CRPPA: variants seen among roughly 807,000 people sequenced by gnomAD.
CRPPA encodes CDP-L-ribitol pyrophosphorylase A.
In CRPPA, 43 loss-of-function variants were observed where a neutral mutation model predicts 52.0. That is an observed-to-expected ratio of 0.83 (90% CI 0.65 to 1.07). CRPPA has a LOEUF of 1.07. CRPPA is among the 50% of genes least tolerant of loss of function. The pLI, the probability that CRPPA is intolerant of heterozygous loss-of-function variation, is 0.00. For missense variants in CRPPA, 629 were observed against 551.7 expected, an observed-to-expected ratio of 1.14 and a Z score of -1.40; for synonymous variants, 250 against 203.5, an observed-to-expected ratio of 1.23 and a Z score of -1.94.
intron 8 of CRPPA, among the ~76,000 whole-genome samples, chr7:16,242,526 G>A (rs917139878): frequency 2.6e-5 from 4 of 152,060 alleles, no homozygotes; most frequent in Admixed American, 6.5e-5. Context: ...ACACACCCCC[G>A]TAAATGCAAC....
chr7:16,094,865 A>T (rs1781906390), intron 9 of CRPPA, among the ~76,000 whole-genome samples: 1 of 152,160 alleles, frequency 6.6e-6, no homozygotes, highest in African/African-American at 2.4e-5. Context: ...AGGTCATCAA[A>T]AAACAAGGAA....
chr7:16,271,272 C>A (rs1784083992), intron 6 of CRPPA, among the ~76,000 whole-genome samples: 1 of 152,066 alleles, frequency 6.6e-6, no homozygotes, highest in African/African-American at 2.4e-5. Flanking sequence ...CGCTTATATG[C>A]ATTTAGAGGT....
intron 2 of CRPPA, among the ~76,000 whole-genome samples, chr7:16,378,666 G>A (rs1399838880): frequency 6.6e-6 from 1 of 150,992 alleles, no homozygotes; most frequent in African/African-American, 2.4e-5. Context: ...TCTAGTTCTA[G>A]ATCCCTGAGG....
intron 9 of CRPPA, among the ~76,000 whole-genome samples, chr7:16,205,013 A>G (rs2128394542): frequency 6.6e-6 from 1 of 152,320 alleles, no homozygotes; most frequent in Non-Finnish European, 1.5e-5. Flanking sequence ...TTAAGCCCCA[A>G]ATACAGACCA....
At chr7:16,253,937 A>G (rs1315936196) in intron 8 of CRPPA, among the ~76,000 whole-genome samples, 1 of 152,226 alleles carries the variant, frequency 6.6e-6, no homozygotes, top group Non-Finnish European at 1.5e-5. Flanking sequence ...GGATAGGTAC[A>G]GACACTTCTC....
At chr7:16,291,734 C>T (rs766019763) in intron 5 of CRPPA, among the ~76,000 whole-genome samples, 6 of 151,488 alleles carry the variant, frequency 4.0e-5, no homozygotes, top group Admixed American at 2.0e-4. Context: ...AAAGAGAGGA[C>T]GTGAAATGTC....
chr7:16,206,691 G>A (rs1464014671), intron 9 of CRPPA, among the ~76,000 whole-genome samples: 1 of 151,960 alleles, frequency 6.6e-6, no homozygotes, highest in Non-Finnish European at 1.5e-5. Context: ...TCCTTACAAA[G>A]TGTTTTAGAA....
At chr7:16,334,739 A>C (rs1053661946) in intron 3 of CRPPA, among the ~76,000 whole-genome samples, 8 of 152,172 alleles carry the variant, frequency 5.3e-5, no homozygotes, top group African/African-American at 1.7e-4. Context: ...CTCAGAGCAC[A>C]GGAAGCAACC....
At chr7:16,373,417 C>G (rs866363333) in intron 3 of CRPPA, among the ~76,000 whole-genome samples, 1 of 152,164 alleles carries the variant, frequency 6.6e-6, no homozygotes, top group African/African-American at 2.4e-5. Context: ...TATGATCATT[C>G]GTTTGAACAA....
chr7:16,224,721 C>T (rs1272705481), intron 8 of CRPPA, among the ~76,000 whole-genome samples: 1 of 152,054 alleles, frequency 6.6e-6, no homozygotes, highest in Non-Finnish European at 1.5e-5. Flanking sequence ...AATCTAAAAA[C>T]TGATGACACC....
chr7:16,232,657 T>C (rs944111613), intron 8 of CRPPA, among the ~76,000 whole-genome samples: 3 of 152,148 alleles, frequency 2.0e-5, no homozygotes, highest in African/African-American at 7.2e-5. Context: ...TTGTGGGAAA[T>C]AATTATCTCT....
rs575642413 is a variant in CRPPA at position 16,090,750 on chromosome 7, G to A, written c.*945C>T. ...ATAAAAAATAAAATAAATAGAGTAA[G>A]TGTATGTATAGATTAAAAGTCACCT... On this transcript the variant is annotated 3_prime_UTR_variant, in exon 10 of 10. Transcript: ENST00000407010. The A allele has an allele frequency of 6.6e-6, 1 of 151,790 alleles. No homozygotes were observed. Among genetic ancestry groups the A allele is most frequent in the South Asian group, 2.1e-4 (1 of 4,820 alleles). The allele number at this position is 151,790 out of a possible 1,614,324, so 9.4% of individuals were successfully genotyped here.
At chr7:16,108,543 A>G (rs1232798923) in intron 9 of CRPPA, among the ~76,000 whole-genome samples, 1 of 151,926 alleles carries the variant, frequency 6.6e-6, no homozygotes, top group Admixed American at 6.6e-5. Flanking sequence ...AACAATGAAA[A>G]GATCATCCAG....
chr7:16,123,613 A>T (rs376494537), intron 9 of CRPPA, among the ~76,000 whole-genome samples: 1 of 152,110 alleles, frequency 6.6e-6, no homozygotes, highest in Non-Finnish European at 1.5e-5. Context: ...GTGATGATAA[A>T]CTCTAAGATA....
At position 16,399,574 on chromosome 7, in the gene CRPPA, CATGT is replaced by C. The variant is rs1474555995; in HGVS notation, c.534+6483_534+6486del. ...CATGAATGACATGACACGTTTGTGA[CATGT>C]GACAAGCGACTTACACGATTGGCAT... On this transcript the variant is annotated intron_variant, in intron 2 of 9. Coordinates refer to ENST00000407010, the MANE Select transcript of CRPPA (RefSeq NM_001101426.4). 2.0e-5 allele frequency among the ~76,000 whole-genome samples: 3 copies of C among 151,996 alleles called. No homozygotes were observed. The East Asian group carries it at 5.9e-4, about 30-fold the overall frequency.
At chr7:16,148,755 A>C (rs1050022477) in intron 9 of CRPPA, among the ~76,000 whole-genome samples, 87 of 152,240 alleles carry the variant, frequency 5.7e-4, no homozygotes, top group African/African-American at 1.9e-3. Context: ...AGTCCGTGAT[A>C]ATATTATGGA....
At chr7:16,196,031 A>C (rs959574789) in intron 9 of CRPPA, among the ~76,000 whole-genome samples, 1 of 152,196 alleles carries the variant, frequency 6.6e-6, no homozygotes, top group African/African-American at 2.4e-5. Context: ...AAAGCTCACT[A>C]AATATTGACA....
intron 9 of CRPPA, among the ~76,000 whole-genome samples, chr7:16,174,081 T>C (rs929321946): frequency 6.6e-6 from 1 of 152,140 alleles, no homozygotes; most frequent in African/African-American, 2.4e-5. Context: ...GAGGAACAAC[T>C]TCTTTAAACA....
At chr7:16,190,985 G>C (rs945402769) in intron 9 of CRPPA, among the ~76,000 whole-genome samples, 12 of 152,022 alleles carry the variant, frequency 7.9e-5, no homozygotes, top group African/African-American at 2.9e-4. Flanking sequence ...TGGTATGTAT[G>C]TGTGTATATG....
Sources: gnomAD v4.1 joint callset for allele counts (sites outside exome capture counted in the v4.1 genomes callset) on GRCh38, gnomAD v4.1.1 for gene constraint, MANE v1.5 for transcripts, NCBI Gene and HGNC (gene_info 2026-07-23, HGNC 2026-07-21) for gene names.